The following LCK variants were observed in gnomAD, a reference collection of about 807,000 sequenced individuals.
LCK encodes the protein LCK proto-oncogene, Src family tyrosine kinase, also known as tyrosine-protein kinase Lck.
In LCK, 14 loss-of-function variants were observed where a neutral mutation model predicts 64.6. The ratio of observed to expected loss-of-function variants is 0.22; its 90% CI spans 0.14 to 0.34. The LOEUF is 0.34. Among genes scored for constraint, LCK ranks in the 10% least tolerant of loss-of-function variants. LCK has a pLI of 1.00. For missense variants in LCK, 434 were observed against 668.1 expected (o/e 0.65, Z 3.86); for synonymous variants, 277 against 263.6 (o/e 1.05, Z -0.49).
At position 32,285,954 on chromosome 1, in the gene LCK, C is replaced by A; in HGVS notation, c.*238C>A. The A allele has an allele frequency of 1.9e-6, 1 of 530,246 alleles. No homozygotes were observed. The highest frequency in any genetic ancestry group is 3.4e-6 in the Non-Finnish European group (1 of 295,966). 32.8% of individuals were successfully genotyped at this position (530,246 alleles called of 1,614,324 possible). ...TATGTCTTGGACACTGTACAAGGTA[C>A]CCCTTTCTGGCTCTCCCATTTCCTG... On this transcript the variant is annotated 3_prime_UTR_variant, in exon 13 of 13. Coordinates refer to ENST00000336890, the MANE Select transcript of LCK (RefSeq NM_005356.5).
chr1:32,282,457 G>A (rs1557590401), intron 12 of LCK, among the ~76,000 whole-genome samples: 1 of 152,198 alleles, frequency 6.6e-6, no homozygotes, highest in Non-Finnish European at 1.5e-5. Context: ...CAAACTTGGA[G>A]TTTTAGGAAA....
In LCK at chr1:32,286,128, A is replaced by T; in HGVS notation, c.*412A>T. 1 of 289,510 alleles carries T rather than the reference A, an allele frequency of 3.5e-6. No homozygotes were observed. The highest frequency in any genetic ancestry group is 6.6e-6 in the Non-Finnish European group (1 of 150,450). 17.9% of individuals were successfully genotyped at this position (289,510 alleles called of 1,614,324 possible). A position where few individuals can be genotyped will look rare whatever the true frequency, so the allele number is the denominator to read the frequency against. The stretch of plus-strand genomic sequence containing the variant: ...CTCCTTGGTGCCTGGCCTGGCACAC[A>T]TCAGGAGTTCAATAAATGTCTGTTG... On this transcript the variant is annotated 3_prime_UTR_variant, in exon 13 of 13. Transcript: ENST00000336890.
intron 11 of LCK, 22 bp downstream of exon 11, chr1:32,280,016 G>A: frequency 1.2e-6 from 2 of 1,613,962 alleles, no homozygotes; most frequent in Non-Finnish European, 1.7e-6. Flanking sequence ...ATTTAAGGGT[G>A]GTCTGGGCCC....
At chr1:32,260,911 T>G (rs953918524) in intron 1 of LCK, among the ~76,000 whole-genome samples, 1 of 152,128 alleles carries the variant, frequency 6.6e-6, no homozygotes, top group Non-Finnish European at 1.5e-5. Context: ...CGTGAGCCAT[T>G]GCATCCGACC....
chr1:32,279,543 T>C, intron 9 of LCK, 128 bp from the exon 10 acceptor site: 2 of 1,569,878 alleles, frequency 1.3e-6, no homozygotes, highest in East Asian at 2.3e-5. Context: ...CACACACTCC[T>C]CCATTCTCAC....
chr1:32,255,272 G>T (rs1639602592), intron 1 of LCK, among the ~76,000 whole-genome samples: 1 of 152,178 alleles, frequency 6.6e-6, no homozygotes, highest in Admixed American at 6.6e-5. Flanking sequence ...CTCAGTCTTT[G>T]CATCTGTAAA....
chr1:32,259,799 A>G (rs1457938405), intron 1 of LCK, among the ~76,000 whole-genome samples: 1 of 151,874 alleles, frequency 6.6e-6, no homozygotes, highest in Non-Finnish European at 1.5e-5. Context: ...AGAGAGCAAG[A>G]GAGCAAGAGG....
chr1:32,258,773 C>T (rs368153682), intron 1 of LCK, among the ~76,000 whole-genome samples: 1 of 143,904 alleles, frequency 6.9e-6, no homozygotes, highest in East Asian at 2.0e-4. Flanking sequence ...CACTGCACTC[C>T]AGCCTGGGCA....
chr1:32,266,311 T>G (rs1639906092), intron 1 of LCK, among the ~76,000 whole-genome samples: 1 of 147,334 alleles, frequency 6.8e-6, no homozygotes, highest in Non-Finnish European at 1.5e-5. Context: ...GCTAACATGG[T>G]GAAACCCCGT....
intron 1 of LCK, among the ~76,000 whole-genome samples, chr1:32,255,028 A>G (rs1639596309): frequency 1.3e-5 from 2 of 152,168 alleles, no homozygotes; most frequent in Admixed American, 1.3e-4. Flanking sequence ...CTCAAACAGT[A>G]AGAGGCATAT....
In LCK at chr1:32,275,113, A is replaced by T; in HGVS notation, c.278+30A>T. Reference sequence around the variant, plus strand: ...GTCCCTCTCCACCTTGCTCTGGCGGAGTCCGTGAGGGAGCGGCGATCTCCG... The same window carrying T: ...GTCCCTCTCCACCTTGCTCTGGCGGTGTCCGTGAGGGAGCGGCGATCTCCG... On this transcript the variant is annotated intron_variant, in intron 4 of 12. Coordinates refer to ENST00000336890, the MANE Select transcript of LCK (RefSeq NM_005356.5). The surrounding 1 kb of genome is among the most constrained non-coding windows in gnomAD (Gnocchi z 6.9). 1 of 1,585,402 alleles carries T rather than the reference A, an allele frequency of 6.3e-7. No individual in the cohort carries two copies. Among genetic ancestry groups the T allele is most frequent in the Non-Finnish European group, 8.6e-7 (1 of 1,158,670 alleles).
chr1:32,281,892 G>A (rs558794710), intron 12 of LCK, among the ~76,000 whole-genome samples: 1 of 151,688 alleles, frequency 6.6e-6, no homozygotes, highest in Non-Finnish European at 1.5e-5. Context: ...GTGAAACCCC[G>A]TCTCTACTAA....
rs747901259 is a variant in LCK, at chr1:32,276,798, C to T, written c.964+12C>T. 1 of 1,580,350 alleles carries T rather than the reference C, an allele frequency of 6.3e-7. No homozygotes were observed. The highest frequency in any genetic ancestry group is 1.3e-5 in the African/African-American group (1 of 74,250). On this transcript the variant is annotated intron_variant, in intron 9 of 12. Coordinates refer to ENST00000336890, the MANE Select transcript of LCK (RefSeq NM_005356.5). This position sits in a 1 kb window ranked among gnomAD's most constrained non-coding sequence, Gnocchi z 4.6. Reference sequence around the variant, plus strand: ...ATACATGGAGAATGGTGGGTGCTACCCGAGTCGGCTACCAGGGGATACTGC... The same window carrying T: ...ATACATGGAGAATGGTGGGTGCTACTCGAGTCGGCTACCAGGGGATACTGC...
At chr1:32,285,418 G>C in intron 12 of LCK, 96 bp from the exon 13 acceptor site, 1 of 1,076,904 alleles carries the variant, frequency 9.3e-7, no homozygotes, top group South Asian at 1.3e-5. Context: ...TTTTGGATTG[G>C]TGCTCACACT....
At position 32,252,748 on chromosome 1, in the gene LCK, G is replaced by T. The variant is rs77703801; in HGVS notation, c.-6+1377G>T. On this transcript the variant is annotated intron_variant, in intron 1 of 12. Transcript: ENST00000336890. ...AAGGGCCAAGAACAGGCTGAGCATT[G>T]GTTCAGAGGAGGGGAGAAGGTGTCT... Among the ~76,000 whole-genome samples the T allele has an allele frequency of 5.1e-3, 778 of 152,306 alleles. 6 individuals carry two copies. The highest frequency in any genetic ancestry group is 0.018 in the African/African-American group (747 of 41,572).
Position 32,260,775 on chromosome 1 carries a change from C to T in LCK, c.-6+9404C>T, listed in dbSNP as rs569014470. 4.6e-5 allele frequency among the ~76,000 whole-genome samples: 7 copies of T among 151,364 alleles called. No homozygotes were observed. In the South Asian group the frequency reaches 1.5e-3, roughly 32 times the overall value. On this transcript the variant is annotated intron_variant, in intron 1 of 12. Transcript: ENST00000336890. ...TAGCTAGGACTACAGGCGTGCACCACCACACCTGGTTAATTTTTGTATTTT... is the reference window on the plus strand; with the variant it reads ...TAGCTAGGACTACAGGCGTGCACCATCACACCTGGTTAATTTTTGTATTTT...
Position 32,275,470 on chromosome 1 carries a change from G to A in LCK, c.377+51G>A, listed in dbSNP as rs760058524. The A allele has an allele frequency of 6.3e-7, 1 of 1,593,224 alleles. No homozygotes were observed. Among genetic ancestry groups the A allele is most frequent in the Non-Finnish European group, 8.6e-7 (1 of 1,164,564 alleles). On this transcript the variant is annotated intron_variant, in intron 5 of 12. Transcript: ENST00000336890. This position sits in a 1 kb window ranked among gnomAD's most constrained non-coding sequence, Gnocchi z 6.9. ...GGGTAGGAGCAGATCTAGGGATCCT[G>A]GAGCAGGGAGTAGGCCTGGGGTGGC...
At position 32,276,443 on chromosome 1, in the gene LCK, G is replaced by A. The variant is rs1379737548; in HGVS notation, c.738G>A (p.Lys246=). 15 of 1,612,968 alleles carry A rather than the reference G, an allele frequency of 9.3e-6. No individual in the cohort carries two copies. The highest frequency in any genetic ancestry group is 1.7e-5 in the Admixed American group (1 of 59,966). The change falls in exon 8 of 13, where the codon AAG becomes AAA. Residue 246 remains lysine (K), a synonymous_variant. Transcript: ENST00000336890. This position sits in a 1 kb window ranked among gnomAD's most constrained non-coding sequence, Gnocchi z 4.6. ...DEWEVPRETL[K]LVERLGAGQF... is the part of the protein sequence containing the mutation. ...GGGAGGTTCCCAGGGAGACGCTGAA[G>A]CTGGTGGAGCGGCTGGGGGCTGGAC...
At chr1:32,264,972 C>T (rs143395730) in intron 1 of LCK, among the ~76,000 whole-genome samples, 2,802 of 151,990 alleles carry the variant, frequency 0.018, 50 homozygotes, top group Middle Eastern at 0.085. Flanking sequence ...TTTGGGAGGC[C>T]GAGGCAGGTG....
Sources: gnomAD v4.1 joint callset for allele counts (sites outside exome capture counted in the v4.1 genomes callset) on GRCh38, gnomAD v4.1.1 for gene constraint, Gnocchi (gnomAD v3.1) non-coding constraint, MANE v1.5 for transcripts, NCBI Gene and HGNC (gene_info 2026-07-23, HGNC 2026-07-21) for gene names.